TENM1: variants seen among roughly 807,000 people sequenced by gnomAD.
The protein encoded by TENM1 is teneurin transmembrane protein 1.
Under a neutral mutation model 174.8 loss-of-function variants are expected in TENM1, and 35 were observed. The ratio of observed to expected loss-of-function variants is 0.20; its 90% CI spans 0.15 to 0.27. TENM1 has a LOEUF of 0.27. Ranked by LOEUF, TENM1 falls within the 10% of genes least tolerant of loss-of-function variation. The pLI is 1.00. For missense variants in TENM1, 1,633 were observed against 2,130.1 expected (o/e 0.77, Z 4.59); for synonymous variants, 781 against 798.7 (o/e 0.98, Z 0.37).
intron 11 of TENM1, among the ~76,000 whole-genome samples, chrX:124,627,059 G>A (rs1249171130): frequency 9.0e-6 from 1 of 111,684 alleles, no homozygotes; most frequent in Non-Finnish European, 1.9e-5. Context: ...TGGTATAGCT[G>A]TTCCAGAGCT....
the TENM1 span, among the ~76,000 whole-genome samples, chrX:125,148,857 G>A: frequency 9.0e-6 from 1 of 111,255 alleles, no homozygotes; most frequent in African/African-American, 3.3e-5. Flanking sequence ...CCTAATCCAG[G>A]CACTCATTGT....
intron 3 of TENM1, among the ~76,000 whole-genome samples, chrX:124,838,230 T>C (rs1188127225): frequency 8.9e-6 from 1 of 112,356 alleles, no homozygotes; most frequent in Non-Finnish European, 1.9e-5. Context: ...CCTGTAATCA[T>C]AGAAATGCAG....
chrX:124,408,675 T>C (rs2060490953), intron 25 of TENM1, among the ~76,000 whole-genome samples: 1 of 110,963 alleles, frequency 9.0e-6, no homozygotes, highest in Non-Finnish European at 1.9e-5. Context: ...AAAACTTTTT[T>C]TTTATTATTA....
chrX:125,142,946 A>G, the TENM1 span, among the ~76,000 whole-genome samples: 2 of 112,144 alleles, frequency 1.8e-5, no homozygotes, highest in Non-Finnish European at 3.8e-5. Flanking sequence ...GACATGGTGT[A>G]CCAAGAAGAA....
chrX:124,583,509 G>A (rs2049391627), intron 11 of TENM1, among the ~76,000 whole-genome samples: 1 of 110,945 alleles, frequency 9.0e-6, no homozygotes, highest in African/African-American at 3.3e-5. Context: ...CAACCAGAAA[G>A]GACATCCACA....
At chrX:125,168,806 A>G in the TENM1 span, among the ~76,000 whole-genome samples, 1 of 111,444 alleles carries the variant, frequency 9.0e-6, no homozygotes. Flanking sequence ...GACCTTCCAG[A>G]TGAGAATAAG....
chrX:124,874,127 T>C lies in TENM1; in HGVS notation c.535+20169A>G, dbSNP rs559658912. 6.3e-5 allele frequency among the ~76,000 whole-genome samples: 7 copies of C among 111,820 alleles called. No individual in the cohort carries two copies. In the South Asian group the frequency reaches 2.6e-3, roughly 42 times the overall value. On this transcript the variant is annotated intron_variant, in intron 3 of 31. Coordinates refer to ENST00000422452, the Ensembl canonical transcript of TENM1. Reference sequence around the variant, plus strand: ...CCACTGCATGCTCATTCAATATCTGTAGGATAAATTTCAAGAAGAGAAACT... The same window carrying C: ...CCACTGCATGCTCATTCAATATCTGCAGGATAAATTTCAAGAAGAGAAACT...
chrX:124,943,807 G>A (rs933847112), intron 1 of TENM1, among the ~76,000 whole-genome samples: 4 of 111,720 alleles, frequency 3.6e-5, no homozygotes, highest in Non-Finnish European at 5.7e-5. Flanking sequence ...CTCATGAATT[G>A]TTTACTTTTA....
At chrX:125,013,720 A>T in the TENM1 span, among the ~76,000 whole-genome samples, 69 of 111,625 alleles carry the variant, frequency 6.2e-4, no homozygotes, top group African/African-American at 2.2e-3. Context: ...AGGTTAATTA[A>T]ATCAGGGGGT....
chrX:124,977,091 T>G, the TENM1 span, among the ~76,000 whole-genome samples: 3 of 111,855 alleles, frequency 2.7e-5, no homozygotes, highest in African/African-American at 9.7e-5. Context: ...AGTCTGAGCT[T>G]GGGCCCATTG....
At chrX:124,951,893 T>A (rs1445505347) in intron 1 of TENM1, among the ~76,000 whole-genome samples, 1 of 109,873 alleles carries the variant, frequency 9.1e-6, no homozygotes, top group African/African-American at 3.3e-5. Flanking sequence ...CTTGTACTTT[T>A]AAGTTAAATT....
At chrX:125,023,259 T>C in the TENM1 span, among the ~76,000 whole-genome samples, 1 of 111,221 alleles carries the variant, frequency 9.0e-6, no homozygotes, top group African/African-American at 3.3e-5. Context: ...TTATAAATGG[T>C]AGTTTTTCCT....
chrX:125,162,370 T>G, the TENM1 span, among the ~76,000 whole-genome samples: 1 of 112,531 alleles, frequency 8.9e-6, no homozygotes, highest in South Asian at 3.7e-4. Context: ...TTCTACTTCC[T>G]CAGTAACTCA....
chrX:124,381,796 T>G (rs1488878319), intron 31 of TENM1, among the ~76,000 whole-genome samples: 1 of 111,670 alleles, frequency 9.0e-6, no homozygotes, highest in African/African-American at 3.3e-5. Context: ...AAAACCTTTT[T>G]TTTTGGGCAA....
intron 11 of TENM1, among the ~76,000 whole-genome samples, chrX:124,624,357 G>T (rs1045946701): frequency 9.0e-6 from 1 of 111,409 alleles, no homozygotes; most frequent in Non-Finnish European, 1.9e-5. Flanking sequence ...CTAAAAACTT[G>T]GTTGATGTCA....
intron 27 of TENM1, 44 bp downstream of exon 30, chrX:124,404,987 A>ACAAG (rs199575689): frequency 1.6e-5 from 17 of 1,084,187 alleles, no homozygotes; most frequent in African/African-American, 1.9e-5. Context: ...AAACAAACAA[A>ACAAG]ACACCTATAA....
intron 11 of TENM1, among the ~76,000 whole-genome samples, chrX:124,587,752 A>C (rs961064699): frequency 9.0e-5 from 10 of 111,470 alleles, no homozygotes; most frequent in Admixed American, 2.9e-4. Context: ...GTGAACAGGC[A>C]ACCTACAAAA....
At chrX:124,639,087 G>T (rs1309147526) in intron 11 of TENM1, among the ~76,000 whole-genome samples, 1 of 111,527 alleles carries the variant, frequency 9.0e-6, no homozygotes, top group Non-Finnish European at 1.9e-5. Flanking sequence ...CTCAAAGGTG[G>T]TTTGTTTTAA....
intron 20 of TENM1, among the ~76,000 whole-genome samples, chrX:124,494,661 C>G (rs1205722606): frequency 4.7e-5 from 5 of 107,291 alleles, no homozygotes; most frequent in African/African-American, 1.4e-4. Flanking sequence ...ATCCCTCCCC[C>G]CTTCCCCCAC....
Sources: allele counts gnomAD v4.1 joint callset (sites outside exome capture counted in the v4.1 genomes callset), GRCh38; gene constraint gnomAD v4.1.1; transcripts MANE v1.5; gene names NCBI Gene and HGNC (gene_info 2026-07-23, HGNC 2026-07-21).